ASZ1: variants seen among roughly 807,000 people sequenced by gnomAD.
ASZ1 encodes ankyrin repeat, SAM and basic leucine zipper domain-containing protein 1.
Under a neutral mutation model 61.8 loss-of-function variants are expected in ASZ1, and 67 were observed. The observed-to-expected ratio is 1.08, with a 90% CI of 0.89 to 1.33. ASZ1 has a LOEUF of 1.33. Ranked by LOEUF, ASZ1 falls within the 40% of genes most tolerant of loss-of-function variation. ASZ1 has a pLI of 0.00. For synonymous variants in ASZ1, 193 were observed against 192.7 expected (o/e 1.00, Z -0.01); for missense variants, 577 against 554.5 (o/e 1.04, Z -0.41).
At chr7:117,396,576 C>T (rs1204494597) in intron 4 of ASZ1, among the ~76,000 whole-genome samples, 1 of 152,100 alleles carries the variant, frequency 6.6e-6, no homozygotes, top group East Asian at 1.9e-4. Flanking sequence ...GTAATTGTTT[C>T]CCTAATATTG....
chr7:117,365,293 G>A (rs1356279321), intron 12 of ASZ1, among the ~76,000 whole-genome samples: 1 of 152,072 alleles, frequency 6.6e-6, no homozygotes, highest in Non-Finnish European at 1.5e-5. Flanking sequence ...ATAGAGAAGG[G>A]TCACGGGAAA....
intron 9 of ASZ1, among the ~76,000 whole-genome samples, chr7:117,380,594 A>T (rs536868896): frequency 6.6e-6 from 1 of 151,816 alleles, no homozygotes; most frequent in East Asian, 1.9e-4. Context: ...TCCCGCAGCT[A>T]TATGTTATTA....
At chr7:117,412,234 T>G (rs1796910774) in intron 4 of ASZ1, among the ~76,000 whole-genome samples, 6 of 151,874 alleles carry the variant, frequency 4.0e-5, no homozygotes, top group Admixed American at 3.3e-4. Context: ...ACTTCCATAT[T>G]ATTTTAATAT....
chr7:117,413,639 C>G (rs1052577055), intron 4 of ASZ1, among the ~76,000 whole-genome samples: 5 of 151,306 alleles, frequency 3.3e-5, no homozygotes, highest in African/African-American at 1.2e-4. Context: ...ACCATAAGTC[C>G]CACAGATGGA....
rs755169141 is a variant in ASZ1 at position 117,420,294 on chromosome 7, G to T, written c.329-20C>A. ...GCTTATCTATAGTGAATAGAAAAGT[G>T]AGGAAAAATCCCCATACATCAAGAG... On this transcript the variant is annotated intron_variant, in intron 3 of 12. Transcript: ENST00000284629. The T allele has an allele frequency of 3.9e-5, 61 of 1,561,948 alleles. No individual in the cohort carries two copies. Among genetic ancestry groups the T allele is most frequent in the Non-Finnish European group, 5.4e-5 (61 of 1,139,630 alleles).
At chr7:117,368,023 A>C (rs1795976783) in intron 11 of ASZ1, 4 of 388,524 alleles carry the variant, frequency 1.0e-5, no homozygotes, top group Non-Finnish European at 1.4e-5. Context: ...CTAGGACCAC[A>C]GGTGCATGCC....
chr7:117,403,037 G>A (rs918645762), intron 4 of ASZ1, among the ~76,000 whole-genome samples: 6 of 152,150 alleles, frequency 3.9e-5, no homozygotes, highest in African/African-American at 1.4e-4. Flanking sequence ...TTTGACGTCT[G>A]TGGTCATTAG....
intron 4 of ASZ1, among the ~76,000 whole-genome samples, chr7:117,411,164 T>C (rs1796882024): frequency 6.6e-6 from 1 of 151,730 alleles, no homozygotes; most frequent in African/African-American, 2.4e-5. Context: ...TCTATCCTAT[T>C]TTATGCTTTC....
At chr7:117,421,853 T>C (rs925186763) in intron 3 of ASZ1, among the ~76,000 whole-genome samples, 3 of 152,232 alleles carry the variant, frequency 2.0e-5, no homozygotes, top group Non-Finnish European at 4.4e-5. Context: ...ATGGATTTCA[T>C]GAACTATCTT....
At position 117,426,504 on chromosome 7, in the gene ASZ1, A is replaced by G. The variant is rs1057381036; in HGVS notation, c.205+332T>C. Among the ~76,000 whole-genome samples, 36 of 150,544 alleles carry G rather than the reference A, an allele frequency of 2.4e-4. No homozygotes were observed. The South Asian group carries it at 4.4e-3, about 18-fold the overall frequency. On this transcript the variant is annotated intron_variant, in intron 2 of 12. Transcript: ENST00000284629. ...ATAACATCTCAAAAAAAAAAAAAAA[A>G]AAAAAAGAAAAAGAAAAGAAAAAAG...
chr7:117,374,784 CT>C (rs1291070339), intron 10 of ASZ1, among the ~76,000 whole-genome samples: 1 of 151,990 alleles, frequency 6.6e-6, no homozygotes, highest in Non-Finnish European at 1.5e-5. Context: ...CTTGTATGTA[CT>C]TTTAAAAGCT....
rs759971835 is a variant in ASZ1 at position 117,385,698 on chromosome 7, A to C, written c.552T>G (p.Thr184=). ...GAAACATTGTAAAAATGTTTCTCAC[A>C]GTGTAACCATTCTCATCCTGGGTAT... The part of the protein sequence containing the change: ...EVNTQDENGY[T]ALTWAARQGH... The change falls in exon 5 of 13, where the codon ACT becomes ACG. Residue 184 remains threonine, a splice_region_variant and synonymous_variant. Transcript: ENST00000284629. 1.9e-6 allele frequency: 3 copies of C among 1,589,102 alleles called. No homozygotes were observed. The highest frequency in any genetic ancestry group is 1.7e-4 in the Middle Eastern group (1 of 6,008).
At chr7:117,396,526 T>C (rs1796578225) in intron 4 of ASZ1, among the ~76,000 whole-genome samples, 2 of 152,222 alleles carry the variant, frequency 1.3e-5, no homozygotes, top group African/African-American at 4.8e-5. Flanking sequence ...TGGCATCTAT[T>C]ATAATGATAA....
At chr7:117,424,264 G>A (rs900169790) in intron 2 of ASZ1, among the ~76,000 whole-genome samples, 1 of 152,156 alleles carries the variant, frequency 6.6e-6, no homozygotes, top group Non-Finnish European at 1.5e-5. Context: ...GACTCAAAAT[G>A]TGCTTTTATT....
At chr7:117,398,979 A>T (rs1051669713) in intron 4 of ASZ1, among the ~76,000 whole-genome samples, 2 of 152,222 alleles carry the variant, frequency 1.3e-5, no homozygotes, top group African/African-American at 4.8e-5. Context: ...CTGTAGTATC[A>T]GCATTTTGGG....
At chr7:117,394,464 C>T (rs145583504) in intron 4 of ASZ1, among the ~76,000 whole-genome samples, 1 of 152,156 alleles carries the variant, frequency 6.6e-6, no homozygotes, top group East Asian at 1.9e-4. Context: ...TGCCTTCATT[C>T]TTAATGTTCT....
chr7:117,378,144 A>G (rs185645523), intron 10 of ASZ1, among the ~76,000 whole-genome samples: 12 of 152,294 alleles, frequency 7.9e-5, no homozygotes, highest in Non-Finnish European at 1.5e-4. Context: ...TTAACCTGAT[A>G]CTAAAAATAT....
At chr7:117,419,170 C>T (rs1797053868) in intron 4 of ASZ1, among the ~76,000 whole-genome samples, 1 of 152,136 alleles carries the variant, frequency 6.6e-6, no homozygotes, top group African/African-American at 2.4e-5. Flanking sequence ...TCCCTGGCTT[C>T]TATCCACTAG....
chr7:117,368,729 A>C lies in ASZ1; in HGVS notation c.1056-12T>G. On this transcript the variant is annotated splice_polypyrimidine_tract_variant and intron_variant, in intron 10 of 12. Transcript: ENST00000284629. ...GGAACTCATCACCACTAAAGAAAGG[A>C]AACAAACAAACAAGCAGGAATTACT... 1 of 1,608,596 alleles carries C rather than the reference A, an allele frequency of 6.2e-7. No individual in the cohort carries two copies. Among genetic ancestry groups the C allele is most frequent in the Non-Finnish European group, 8.5e-7 (1 of 1,178,474 alleles).
Sources: gnomAD v4.1 joint callset for allele counts (sites outside exome capture counted in the v4.1 genomes callset) on GRCh38, gnomAD v4.1.1 for gene constraint, MANE v1.5 for transcripts, NCBI Gene and HGNC (gene_info 2026-07-23, HGNC 2026-07-21) for gene names.